TALDO1: variants seen among roughly 807,000 people sequenced by gnomAD.
TALDO1 encodes transaldolase.
A neutral mutation model predicts 38.1 loss-of-function variants in TALDO1; 29 were observed. That is an observed-to-expected ratio of 0.76 (90% CI 0.57 to 1.04). The LOEUF is 1.04. Ranked by LOEUF, TALDO1 falls within the 50% of genes least tolerant of loss-of-function variation. The probability of loss-of-function intolerance (pLI) is 0.00; values close to 1 mark genes in which losing one functional copy is unlikely to be tolerated. For missense variants in TALDO1, 499 were observed against 438.1 expected, an observed-to-expected ratio of 1.14 and a Z score of -1.24; for synonymous variants, 207 against 176.8, an observed-to-expected ratio of 1.17 and a Z score of -1.36.
At chr11:753,168 T>C (rs1862775837) in intron 1 of TALDO1, among the ~76,000 whole-genome samples, 1 of 151,118 alleles carries the variant, frequency 6.6e-6, no homozygotes, top group Non-Finnish European at 1.5e-5. Flanking sequence ...CCAAGGTGGG[T>C]GGATCACCTG....
intron 1 of TALDO1, among the ~76,000 whole-genome samples, chr11:749,295 T>G (rs1862711360): frequency 6.7e-6 from 1 of 150,300 alleles, no homozygotes; most frequent in African/African-American, 2.5e-5. Context: ...CCCAGCTACT[T>G]GGGAGGCTGA....
intron 6 of TALDO1, 34 bp downstream of exon 6, chr11:763,978 C>A (rs369725130): frequency 1.9e-6 from 3 of 1,599,700 alleles, no homozygotes; most frequent in East Asian, 4.5e-5. Context: ...GGCTCCTGCT[C>A]GGGCAAGGCC....
chr11:763,042 C>T (rs956954833), intron 4 of TALDO1, among the ~76,000 whole-genome samples: 11 of 152,184 alleles, frequency 7.2e-5, no homozygotes, highest in Non-Finnish European at 5.9e-5. Context: ...CCTGGTCACC[C>T]ATAACCCACT....
Position 758,897 on chromosome 11 carries a change from A to G in TALDO1, c.222-53A>G, listed in dbSNP as rs189988418. 2.6e-4 allele frequency: 392 copies of G among 1,502,568 alleles called. 2 individuals carry two copies. The East Asian group carries it at 7.5e-3, about 29-fold the overall frequency. 93.1% of individuals were successfully genotyped at this position (1,502,568 alleles called of 1,614,324 possible). On this transcript the variant is annotated intron_variant, in intron 2 of 7. Coordinates refer to ENST00000319006, the MANE Select transcript of TALDO1 (RefSeq NM_006755.2). ...TGGGATTACAGGCGTGAGCCACCGC[A>G]CCTGGCGAACCTCAGAAGCTTCTAA...
rs1455294445 is a variant in TALDO1 at position 763,476 on chromosome 11, G to A, written c.594G>A (p.Val198=). 6.2e-7 allele frequency: 1 copy of A among 1,613,564 alleles called. No individual in the cohort carries two copies. The highest frequency in any genetic ancestry group is 2.2e-5 in the East Asian group (1 of 44,848). Residue 198 remains valine, a synonymous_variant, in exon 5 of 8, where the codon GTG becomes GTA. Coordinates refer to ENST00000319006, the MANE Select transcript of TALDO1 (RefSeq NM_006755.2). ...TTGGGCGCATCCTTGATTGGCATGT[G>A]GCAAACACCGACAAGAAATCCTATG... is the stretch of plus-strand genomic sequence containing the variant. The part of the protein sequence containing the change: ...PFVGRILDWH[V]ANTDKKSYEP...
chr11:763,660 A>T (rs1339069750), intron 5 of TALDO1, 87 bp from the exon 6 acceptor site: 1 of 1,572,368 alleles, frequency 6.4e-7, no homozygotes, highest in South Asian at 1.1e-5. Context: ...TGGCGGCTCA[A>T]GGTAGTGCAG....
intron 2 of TALDO1, among the ~76,000 whole-genome samples, chr11:758,509 AT>A (rs1359891648): frequency 6.6e-6 from 1 of 152,146 alleles, no homozygotes; most frequent in Non-Finnish European, 1.5e-5. Flanking sequence ...CAATAAAAAA[AT>A]GTTTTAAGAG....
intron 4 of TALDO1, among the ~76,000 whole-genome samples, chr11:762,437 T>C (rs1862953553): frequency 6.7e-6 from 1 of 149,612 alleles, no homozygotes; most frequent in African/African-American, 2.5e-5. Flanking sequence ...ACACATCTGC[T>C]GCTATGAACA....
chr11:756,103 A>C, intron 2 of TALDO1, 101 bp downstream of exon 2: 1 of 1,479,718 alleles, frequency 6.8e-7, no homozygotes. Flanking sequence ...AACACCATGA[A>C]CTCAAGGGGG....
chr11:758,082 G>T (rs1168382072), intron 2 of TALDO1, among the ~76,000 whole-genome samples: 3 of 152,222 alleles, frequency 2.0e-5, no homozygotes, highest in Non-Finnish European at 4.4e-5. Flanking sequence ...AGGAGATCGA[G>T]ACCATCCTGG....
intron 2 of TALDO1, among the ~76,000 whole-genome samples, chr11:758,189 C>G (rs549554271): frequency 3.3e-4 from 50 of 152,284 alleles, no homozygotes; most frequent in Non-Finnish European, 6.0e-4. Context: ...GAGGTTGAGG[C>G]AGGAGAATGG....
At chr11:759,134 A>G in intron 3 of TALDO1, 77 bp downstream of exon 3, 1 of 1,247,090 alleles carries the variant, frequency 8.0e-7, no homozygotes, top group Non-Finnish European at 1.2e-6. Context: ...ACATGAGGTC[A>G]AGGGGCTGCT....
intron 1 of TALDO1, 176 bp from the exon 2 acceptor site, chr11:755,703 G>C: frequency 2.4e-6 from 2 of 832,382 alleles, no homozygotes; most frequent in South Asian, 3.2e-5. Context: ...GCAAACAGCC[G>C]CCTCTTGATG....
At chr11:753,608 C>T (rs1363927775) in intron 1 of TALDO1, among the ~76,000 whole-genome samples, 1 of 151,722 alleles carries the variant, frequency 6.6e-6, no homozygotes, top group Admixed American at 6.6e-5. Flanking sequence ...CCTGTAATCC[C>T]AGCTACTCAT....
intron 1 of TALDO1, among the ~76,000 whole-genome samples, chr11:754,630 C>G (rs943247422): frequency 6.6e-6 from 1 of 152,096 alleles, no homozygotes; most frequent in African/African-American, 2.4e-5. Flanking sequence ...TGTCACCACA[C>G]CCAGCTCATT....
intron 4 of TALDO1, among the ~76,000 whole-genome samples, chr11:761,197 G>A (rs1426079046): frequency 4.6e-5 from 7 of 151,986 alleles, no homozygotes; most frequent in Admixed American, 6.6e-5. Flanking sequence ...TTAGCTGGGC[G>A]TGGTGGCAGG....
chr11:763,746 G>A lies in TALDO1; in HGVS notation c.638-1G>A. 1 of 1,613,856 alleles carries A rather than the reference G, an allele frequency of 6.2e-7. No individual in the cohort carries two copies. Among genetic ancestry groups the A allele is most frequent in the Non-Finnish European group, 8.5e-7 (1 of 1,179,888 alleles). ...CTGGTCACAGCTTGGTCTCTTTCCA[G>A]GGGTAAAGAGTGTCACTAAAATCTA... On this transcript the variant is annotated splice_acceptor_variant, in intron 5 of 7. Transcript: ENST00000319006. LOFTEE classifies it high-confidence loss of function.
At chr11:758,080 G>C (rs933719306) in intron 2 of TALDO1, among the ~76,000 whole-genome samples, 2 of 152,188 alleles carry the variant, frequency 1.3e-5, no homozygotes. Context: ...TCAGGAGATC[G>C]AGACCATCCT....
rs184467713 is a variant in TALDO1, at chr11:747,548, A to G, written c.67A>G (p.Thr23Ala). ...GCTGGACCAGCTCAAGCAGTTCACCACCGTGGTGGCCGACACGGGCGACTT... is the reference window on the plus strand; with the variant it reads ...GCTGGACCAGCTCAAGCAGTTCACCGCCGTGGTGGCCGACACGGGCGACTT... ...SALDQLKQFT[T>A]VVADTGDFHA... The change falls in exon 1 of 8, where the codon ACC (threonine) becomes GCC (alanine). Residue 23 changes from threonine (T) to alanine (A), a missense_variant. By Grantham distance (58) the Thr-to-Ala change is moderately conservative. Transcript: ENST00000319006. 6.3e-7 allele frequency: 1 copy of G among 1,594,860 alleles called. No individual in the cohort carries two copies. Among genetic ancestry groups the G allele is most frequent in the East Asian group, 2.3e-5 (1 of 43,040 alleles).
Sources: gnomAD v4.1 joint callset for allele counts (sites outside exome capture counted in the v4.1 genomes callset) on GRCh38, gnomAD v4.1.1 for gene constraint, MANE v1.5 for transcripts, NCBI Gene and HGNC (gene_info 2026-07-23, HGNC 2026-07-21) for gene names.